LINC00632: variants seen among roughly 807,000 people sequenced by gnomAD.
LINC00632 encodes long independently transcribed non-coding RNA 632, also known as ALDOA related specific transcript.
At chrX:140,743,417 T>C (rs1045736279) in intron 3 of LINC00632, among the ~76,000 whole-genome samples, 1 of 109,753 alleles carries the variant, frequency 9.1e-6, no homozygotes, top group Non-Finnish European at 1.9e-5. Context: ...CGCAAGCTTA[T>C]CAGCTTCTGC....
intron 2 of LINC00632, among the ~76,000 whole-genome samples, chrX:140,725,650 T>G (rs1389407508): frequency 1.8e-5 from 2 of 111,733 alleles, no homozygotes; most frequent in Non-Finnish European, 3.8e-5. Context: ...AAACCTACAC[T>G]ACCCAGACAT....
At chrX:140,723,729 CCAAA>C in intron 2 of LINC00632, among the ~76,000 whole-genome samples, 1 of 49 alleles carries the variant, frequency 0.02, no homozygotes, top group African/African-American at 0.062. Context: ...TACACACATT[CCAAA>C]CACACACACA....
intron 2 of LINC00632, chrX:140,714,710 T>G (rs1329352657): frequency 9.2e-6 from 1 of 109,272 alleles, no homozygotes; most frequent in Non-Finnish European, 1.9e-5. Context: ...TAATCTCAGC[T>G]GCTCCGGAGG....
chrX:140,717,382 G>A (rs922264543), intron 2 of LINC00632, among the ~76,000 whole-genome samples: 7 of 110,563 alleles, frequency 6.3e-5, no homozygotes, highest in African/African-American at 1.6e-4. Flanking sequence ...ACTGCCACAC[G>A]TATGACCAGG....
chrX:140,789,722 C>T (rs1319846072), exon 5 of LINC00632, among the ~76,000 whole-genome samples: 2 of 111,861 alleles, frequency 1.8e-5, no homozygotes, highest in Middle Eastern at 9.5e-3. Flanking sequence ...ACTTTTCATA[C>T]ATTTACTAGC....
chrX:140,742,877 G>GAGAGAGGA (rs1209141726), intron 3 of LINC00632, among the ~76,000 whole-genome samples: 89 of 94,330 alleles, frequency 9.4e-4, no homozygotes, highest in Non-Finnish European at 1.7e-3. Flanking sequence ...GAGAGAGAGA[G>GAGAGAGGA]AGGAAGGAAG....
chrX:140,763,033 T>C (rs1373073279), intron 3 of LINC00632, among the ~76,000 whole-genome samples: 1 of 111,861 alleles, frequency 8.9e-6, no homozygotes. Flanking sequence ...TATAAATTAC[T>C]AAAAATCCAT....
At chrX:140,710,638 A>G (rs1446080194) in intron 1 of LINC00632, among the ~76,000 whole-genome samples, 2 of 110,191 alleles carry the variant, frequency 1.8e-5, no homozygotes, top group East Asian at 2.9e-4. Flanking sequence ...TGTTTCTGCA[A>G]GAAAAACGAA....
rs953910926 is a variant in LINC00632, at chrX:140,743,547, C to T, written n.191+9583C>T. ...ACTTTATATTACCCAACATGAGTTGCGTGTGAATTTTTACAAAAAAAAAGG... is the reference window on the plus strand; with the variant it reads ...ACTTTATATTACCCAACATGAGTTGTGTGTGAATTTTTACAAAAAAAAAGG... On this transcript the variant is annotated intron_variant and non_coding_transcript_variant, in intron 3 of 4. Transcript: ENST00000648200. Among the ~76,000 whole-genome samples, 44 of 110,195 alleles carry T rather than the reference C, an allele frequency of 4.0e-4. No homozygotes were observed. In the Admixed American group the frequency reaches 4.0e-3, roughly 10 times the overall value.
intron 3 of LINC00632, among the ~76,000 whole-genome samples, chrX:140,759,315 TCC>T (rs1176107270): frequency 1.5e-5 from 1 of 65,646 alleles, no homozygotes; most frequent in East Asian, 3.8e-4. Context: ...CTTCCTTCCT[TCC>T]TTCCTTCCTT....
exon 5 of LINC00632, among the ~76,000 whole-genome samples, chrX:140,782,035 T>C (rs747487649): frequency 7.6e-4 from 85 of 112,450 alleles, no homozygotes; most frequent in South Asian, 1.5e-3. Context: ...ATTGAGACTA[T>C]GAAGATAGCT....
At chrX:140,776,145 A>C (rs1318552907) in exon 5 of LINC00632, among the ~76,000 whole-genome samples, 1 of 112,032 alleles carries the variant, frequency 8.9e-6, no homozygotes, top group Non-Finnish European at 1.9e-5. Context: ...AAAAGAAGAC[A>C]CTTACGCAGC....
intron 3 of LINC00632, among the ~76,000 whole-genome samples, chrX:140,746,525 G>C (rs1931329025): frequency 8.9e-6 from 1 of 112,337 alleles, no homozygotes; most frequent in Admixed American, 9.5e-5. Flanking sequence ...AGTTGGATGA[G>C]AGAGGGATCC....
intron 3 of LINC00632, among the ~76,000 whole-genome samples, chrX:140,770,427 G>A (rs1422632460): frequency 1.8e-5 from 2 of 112,073 alleles, no homozygotes; most frequent in African/African-American, 3.2e-5. Context: ...TTAGCCAGGT[G>A]TGGTGGCTCA....
intron 3 of LINC00632, among the ~76,000 whole-genome samples, chrX:140,766,981 C>T (rs1931702367): frequency 8.9e-6 from 1 of 111,842 alleles, no homozygotes; most frequent in South Asian, 3.7e-4. Context: ...ATGGTTTTTG[C>T]TCATTGTTAT....
At chrX:140,754,353 T>C (rs1931459185) in intron 3 of LINC00632, among the ~76,000 whole-genome samples, 1 of 111,746 alleles carries the variant, frequency 8.9e-6, no homozygotes, top group African/African-American at 3.2e-5. Context: ...GACTTTGTTA[T>C]ATGAATGCCA....
chrX:140,783,496 C>T, exon 5 of LINC00632: 3 of 963,139 alleles, frequency 3.1e-6, no homozygotes, highest in South Asian at 4.7e-5. Context: ...ACAGATCTTC[C>T]AGCTAATCCA....
At chrX:140,771,664 T>G (rs1931797424) in intron 3 of LINC00632, among the ~76,000 whole-genome samples, 1 of 47,388 alleles carries the variant, frequency 2.1e-5, no homozygotes, top group Non-Finnish European at 3.6e-5. Flanking sequence ...TGTGTGTGTG[T>G]GTATATATAT....
rs1268254730 is a variant in LINC00632, at chrX:140,786,037, G to A, written n.14056G>A. ...TTCTCTAAGTCTCAGCTCCCACCAGGTGCCTTCAGCAATGTTGCTACCCAT... is the reference window on the plus strand; with the variant it reads ...TTCTCTAAGTCTCAGCTCCCACCAGATGCCTTCAGCAATGTTGCTACCCAT... On this transcript the variant is annotated non_coding_transcript_exon_variant, in exon 5 of 5. Coordinates refer to ENST00000648200, the Ensembl canonical transcript of LINC00632. 4.5e-5 allele frequency among the ~76,000 whole-genome samples: 5 copies of A among 111,525 alleles called. No individual in the cohort carries two copies. The East Asian group carries it at 1.4e-3, about 32-fold the overall frequency.
Sources: allele counts gnomAD v4.1 joint callset (sites outside exome capture counted in the v4.1 genomes callset), GRCh38; gene constraint gnomAD v4.1.1; transcripts MANE v1.5; gene names NCBI Gene and HGNC (gene_info 2026-07-23, HGNC 2026-07-21).